The following ALG9 variants were observed in gnomAD, a reference collection of about 807,000 sequenced individuals.
The protein encoded by ALG9 is alpha-1,2-mannosyltransferase ALG9.
ALG9 carries 55 observed loss-of-function variants against 81.8 expected under a neutral mutation model. That is an observed-to-expected ratio of 0.67 (90% CI 0.54 to 0.84). The LOEUF (loss-of-function observed/expected upper bound fraction) is 0.84. ALG9 is among the 40% of genes least tolerant of loss of function. The probability of loss-of-function intolerance (pLI) is 0.00; values close to 1 mark genes in which losing one functional copy is unlikely to be tolerated. For missense variants in ALG9, 629 were observed against 745.0 expected (o/e 0.84, Z 1.81); for synonymous variants, 278 against 274.3 (o/e 1.01, Z -0.13).
Position 111,786,635 on chromosome 11 carries a change from G to C in ALG9, c.1734-115C>G, listed in dbSNP as rs1946512607. On this transcript the variant is annotated intron_variant, in intron 14 of 14. Transcript: ENST00000616540. ...GTAGTAAGGATTATATTTTATTCAA[G>C]TGGCACAGAAAAGCCTATTATTTCG... The C allele has an allele frequency of 3.2e-6, 4 of 1,233,194 alleles. No individual in the cohort carries two copies. The South Asian group carries it at 4.0e-5, about 12-fold the overall frequency. 76.4% of individuals were successfully genotyped at this position (1,233,194 alleles called of 1,614,324 possible).
At chr11:111,869,766 T>C (rs12808264) in intron 2 of ALG9, among the ~76,000 whole-genome samples, 23,640 of 152,194 alleles carry the variant, frequency 0.16, 2,353 homozygotes, top group South Asian at 0.31. Flanking sequence ...GGTGAGAGGA[T>C]CGCTTGAGCC....
rs1259869695 is a variant in ALG9, at chr11:111,785,363, CTT to C, written c.*1032_*1033del. ...AAGGCTTTTAAAGTAATAGTATACA[CTT>C]ATCACATTTTAATTAGGTCCTTATC... On this transcript the variant is annotated 3_prime_UTR_variant, in exon 15 of 15. Coordinates refer to ENST00000616540, the MANE Select transcript of ALG9 (RefSeq NM_024740.2). The C allele has an allele frequency of 1.3e-5, 2 of 152,396 alleles. No individual in the cohort carries two copies. Among genetic ancestry groups the C allele is most frequent in the African/African-American group, 4.8e-5 (2 of 41,462 alleles). The allele number at this position is 152,396 out of a possible 1,614,324, so 9.4% of individuals were successfully genotyped here. A position where few individuals can be genotyped will look rare whatever the true frequency, so the allele number is the denominator to read the frequency against.
In ALG9 at chr11:111,853,685, G is replaced by T; in HGVS notation, c.753C>A (p.Phe251Leu). ...LLVMKHRWKS[F>L]FHWSLMALIL... Reference sequence around the variant, plus strand: ...TGAGGGCCATCAGCGACCAATGAAAGAAACTCTTCCACCTGTGTTTCATGA... The same window carrying T: ...TGAGGGCCATCAGCGACCAATGAAATAAACTCTTCCACCTGTGTTTCATGA... The change falls in exon 7 of 15, where the codon TTC (phenylalanine) becomes TTA (leucine). Residue 251 changes from phenylalanine (F) to leucine (L), a missense_variant. Physicochemically the swap from Phe to Leu is conservative, Grantham distance 22 (BLOSUM62 0). Transcript: ENST00000616540. 3.7e-6 allele frequency: 6 copies of T among 1,614,140 alleles called. No homozygotes were observed. The highest frequency in any genetic ancestry group is 5.1e-6 in the Non-Finnish European group (6 of 1,180,010).
At chr11:111,826,015 G>A (rs868931705) in intron 13 of ALG9, among the ~76,000 whole-genome samples, 10 of 150,882 alleles carry the variant, frequency 6.6e-5, no homozygotes, top group South Asian at 2.1e-4. Flanking sequence ...GCGGTGAGCC[G>A]AGATCGCACC....
intron 13 of ALG9, among the ~76,000 whole-genome samples, chr11:111,814,416 G>T (rs782774804): frequency 8.5e-5 from 13 of 152,132 alleles, no homozygotes; most frequent in Non-Finnish European, 1.8e-4. Context: ...AAGGAATTCT[G>T]GGGGAGCTCC....
intron 10 of ALG9, among the ~76,000 whole-genome samples, chr11:111,839,102 T>C (rs1250609542): frequency 6.6e-6 from 1 of 152,230 alleles, no homozygotes; most frequent in Non-Finnish European, 1.5e-5. Flanking sequence ...TGAAGATATT[T>C]ATCCTAGCAT....
At chr11:111,787,166 C>G (rs1159161699) in intron 14 of ALG9, among the ~76,000 whole-genome samples, 1 of 152,168 alleles carries the variant, frequency 6.6e-6, no homozygotes, top group Non-Finnish European at 1.5e-5. Context: ...TGCACTGGCT[C>G]ACGCCTGTAA....
At chr11:111,780,901 G>A (rs1160810413), downstream of ALG9, among the ~76,000 whole-genome samples, 3 of 152,136 alleles carry the variant, frequency 2.0e-5, no homozygotes, top group Admixed American at 6.6e-5. Flanking sequence ...ATGGCCTTGC[G>A]AGACAGGGTC....
At chr11:111,850,059 C>A (rs1165301848) in intron 8 of ALG9, among the ~76,000 whole-genome samples, 1 of 152,046 alleles carries the variant, frequency 6.6e-6, no homozygotes, top group African/African-American at 2.4e-5. Context: ...TAGTAAAATA[C>A]AAGTCTTTTA....
intron 3 of ALG9, among the ~76,000 whole-genome samples, chr11:111,867,218 G>A (rs537046628): frequency 1.5e-3 from 226 of 152,314 alleles, no homozygotes; most frequent in African/African-American, 5.1e-3. Flanking sequence ...AAATGTAAAT[G>A]CAATCATACC....
At position 111,857,694 on chromosome 11, in the gene ALG9, GGC is replaced by G; in HGVS notation, c.607_608del (p.Ala203HisfsTer37). ...TCTTGTCCATATACCATCCAGTCAT[GGC>G]TATCAACGTAGTGTACATACAGAAG... Reference protein sequence around the residue: ...SSFCMYTTLIAMTGWYMDKTS... With the variant: ...SSFCMYTTLIXMTGWYMDKTS... On this transcript the variant is annotated frameshift_variant, in exon 6 of 15. Coordinates refer to ENST00000616540, the MANE Select transcript of ALG9 (RefSeq NM_024740.2). LOFTEE classifies it high-confidence loss of function. 6.2e-7 allele frequency: 1 copy of G among 1,614,160 alleles called. No homozygotes were observed. The highest frequency in any genetic ancestry group is 8.5e-7 in the Non-Finnish European group (1 of 1,180,026).
intron 13 of ALG9, among the ~76,000 whole-genome samples, chr11:111,822,789 G>A (rs1034971893): frequency 6.6e-6 from 1 of 152,074 alleles, no homozygotes; most frequent in African/African-American, 2.4e-5. Flanking sequence ...TTGGGAGGCT[G>A]AGGTGGGCAG....
At chr11:111,808,937 A>G (rs1555088166) in intron 14 of ALG9, among the ~76,000 whole-genome samples, 1 of 152,132 alleles carries the variant, frequency 6.6e-6, no homozygotes, top group African/African-American at 2.4e-5. Context: ...CTCTCTATTT[A>G]AGACTGAATA....
intron 9 of ALG9, among the ~76,000 whole-genome samples, chr11:111,841,444 G>A (rs1328805505): frequency 6.6e-6 from 1 of 152,144 alleles, no homozygotes; most frequent in East Asian, 1.9e-4. Flanking sequence ...CCCCAAATTG[G>A]AACAAAAATG....
downstream of ALG9, among the ~76,000 whole-genome samples, chr11:111,778,737 G>A (rs1945763836): frequency 6.6e-6 from 1 of 151,886 alleles, no homozygotes; most frequent in Non-Finnish European, 1.5e-5. Context: ...AAAACATAAT[G>A]GATGCCTGGG....
At chr11:111,768,827 T>TTGTGTGTGTGTGTGCGCG in the ALG9 span, 11 of 97,436 alleles carry the variant, frequency 1.1e-4, no homozygotes, top group African/African-American at 4.3e-4. Flanking sequence ...ACATCCAGCT[T>TTGTGTGTGTGTGTGCGCG]CGTGTGTGTG....
At chr11:111,800,370 A>G (rs910785096) in intron 14 of ALG9, among the ~76,000 whole-genome samples, 2 of 151,900 alleles carry the variant, frequency 1.3e-5, no homozygotes, top group South Asian at 2.1e-4. Context: ...AGTCCCAGCT[A>G]CTCGGGAGGC....
chr11:111,802,461 A>G (rs1555081225), intron 14 of ALG9, among the ~76,000 whole-genome samples: 2 of 152,246 alleles, frequency 1.3e-5, no homozygotes, highest in Admixed American at 1.3e-4. Flanking sequence ...ACTTATATGA[A>G]ATGTCCAGAA....
downstream of ALG9, among the ~76,000 whole-genome samples, chr11:111,777,237 C>T (rs1324700693): frequency 1.3e-5 from 2 of 152,320 alleles, no homozygotes; most frequent in African/African-American, 4.8e-5. Context: ...GAATCCTCGA[C>T]CAGTAGGGAG....
Sources: allele counts gnomAD v4.1 joint callset (sites outside exome capture counted in the v4.1 genomes callset), GRCh38; gene constraint gnomAD v4.1.1; transcripts MANE v1.5; gene names NCBI Gene and HGNC (gene_info 2026-07-23, HGNC 2026-07-21).